AGPS: variants seen among roughly 807,000 people sequenced by gnomAD.
AGPS encodes the protein alkylglycerone phosphate synthase.
In AGPS, 26 loss-of-function variants were observed where a neutral mutation model predicts 90.7. The observed-to-expected ratio is 0.29, with a 90% confidence interval of 0.21 to 0.40. The LOEUF is 0.40. Among genes scored for constraint, AGPS ranks in the 10% least tolerant of loss-of-function variants. The pLI is 1.00. For missense variants in AGPS, 540 were observed against 816.1 expected (o/e 0.66, Z 4.12); for synonymous variants, 294 against 285.3 (o/e 1.03, Z -0.31).
chr2:177,530,633 T>C (rs1041385803), intron 19 of AGPS, among the ~76,000 whole-genome samples: 1 of 152,196 alleles, frequency 6.6e-6, no homozygotes, highest in African/African-American at 2.4e-5. Context: ...ATGCAATTTC[T>C]CTTAGAGGGT....
intron 1 of AGPS, among the ~76,000 whole-genome samples, chr2:177,414,716 T>A (rs901008308): frequency 1.1e-4 from 16 of 152,146 alleles, no homozygotes; most frequent in Non-Finnish European, 1.6e-4. Context: ...GAAAGAATTA[T>A]TTTCTCAGAA....
chr2:177,432,857 G>C (rs2105624650), intron 2 of AGPS, among the ~76,000 whole-genome samples: 1 of 152,304 alleles, frequency 6.6e-6, no homozygotes, highest in South Asian at 2.1e-4. Context: ...AAGGGGAGCT[G>C]GTATGTGCTG....
At chr2:177,444,158 C>T (rs112227607) in intron 7 of AGPS, among the ~76,000 whole-genome samples, 4,801 of 152,172 alleles carry the variant, frequency 0.032, 116 homozygotes, top group Non-Finnish European at 0.048. Flanking sequence ...TGGTGGCTCA[C>T]GCCTGTAATC....
chr2:177,483,346 A>G (rs963599648), intron 11 of AGPS, among the ~76,000 whole-genome samples: 6 of 152,112 alleles, frequency 3.9e-5, no homozygotes, highest in African/African-American at 1.4e-4. Flanking sequence ...TTACTTTCTA[A>G]GACACTCTTT....
At chr2:177,492,959 A>C (rs1202254896) in intron 11 of AGPS, among the ~76,000 whole-genome samples, 189 bp from the exon 12 acceptor site, 11 of 152,114 alleles carry the variant, frequency 7.2e-5, no homozygotes, top group Non-Finnish European at 1.5e-4. Context: ...CTTCTCTCCA[A>C]ATATTTTATA....
chr2:177,531,873 A>G (rs1055587626), intron 19 of AGPS, among the ~76,000 whole-genome samples: 4 of 152,036 alleles, frequency 2.6e-5, no homozygotes, highest in Non-Finnish European at 5.9e-5. Context: ...GAAAGTACAA[A>G]AGCAATCTAG....
At chr2:177,533,853 A>C (rs972512274) in intron 19 of AGPS, among the ~76,000 whole-genome samples, 1 of 152,184 alleles carries the variant, frequency 6.6e-6, no homozygotes, top group Non-Finnish European at 1.5e-5. Flanking sequence ...TCTTCTTAAA[A>C]TCTGACCTAT....
rs527344597 is a variant in AGPS at position 177,474,674 on chromosome 2, A to G, written c.1105+6150A>G. 1.1e-4 allele frequency among the ~76,000 whole-genome samples: 17 copies of G among 152,284 alleles called. No homozygotes were observed. In the South Asian group the frequency reaches 1.2e-3, roughly 11 times the overall value. ...CCTCCTGTATCTACCATAACCATCT[A>G]TGTATATATTTTTTAAAAAACAAAT... On this transcript the variant is annotated intron_variant, in intron 10 of 19. Transcript: ENST00000264167.
At chr2:177,521,156 CTG>C (rs771167905) in intron 17 of AGPS, 111 bp from the exon 18 acceptor site, 2 of 952,690 alleles carry the variant, frequency 2.1e-6, no homozygotes, top group Non-Finnish European at 3.3e-6. Flanking sequence ...TGGGAAGAAA[CTG>C]AGATTATATC....
intron 7 of AGPS, 26 bp downstream of exon 7, chr2:177,442,512 A>G: frequency 1.3e-6 from 2 of 1,542,188 alleles, no homozygotes; most frequent in South Asian, 1.1e-5. Flanking sequence ...AGATATATTT[A>G]AAACATTTTC....
rs2079245472 is a variant in AGPS at position 177,542,442 on chromosome 2, T to C, written c.*4247T>C. On this transcript the variant is annotated 3_prime_UTR_variant, in exon 20 of 20. Transcript: ENST00000264167. ...AATCAGAGTAAGGACCACTGACATA[T>C]AGAACCCTCAAGCCAAAGAACCATC... 6.6e-6 allele frequency: 1 copy of C among 152,156 alleles called. No individual in the cohort carries two copies. The highest frequency in any genetic ancestry group is 6.5e-5 in the Admixed American group (1 of 15,272). The allele number at this position is 152,156 out of a possible 1,614,324, so 9.4% of individuals were successfully genotyped here.
intron 10 of AGPS, among the ~76,000 whole-genome samples, chr2:177,476,912 T>C (rs1001865458): frequency 8.5e-5 from 13 of 152,196 alleles, no homozygotes; most frequent in Non-Finnish European, 1.3e-4. Flanking sequence ...TGTTCTTCTT[T>C]ATAGCTAGTA....
intron 1 of AGPS, among the ~76,000 whole-genome samples, chr2:177,395,489 G>C (rs1685147036): frequency 6.6e-6 from 1 of 152,250 alleles, no homozygotes; most frequent in Non-Finnish European, 1.5e-5. Flanking sequence ...AGGGAACACA[G>C]AAACTTGTAT....
Position 177,424,356 on chromosome 2 carries a change from C to T in AGPS, c.350+3998C>T, listed in dbSNP as rs532943284. Among the ~76,000 whole-genome samples the T allele has an allele frequency of 8.0e-4, 121 of 152,192 alleles. 1 individual carries two copies. The highest frequency in any genetic ancestry group is 2.9e-3 in the African/African-American group (120 of 41,536). On this transcript the variant is annotated intron_variant, in intron 2 of 19. Coordinates refer to ENST00000264167, the MANE Select transcript of AGPS (RefSeq NM_003659.4). ...ATGTACCATATTTTCTTTATCCAGTCAATCATTGATGGACATTTGGGTTGA... is the reference window on the plus strand; with the variant it reads ...ATGTACCATATTTTCTTTATCCAGTTAATCATTGATGGACATTTGGGTTGA...
chr2:177,502,526 T>G (rs529913013), intron 14 of AGPS, among the ~76,000 whole-genome samples: 1 of 151,328 alleles, frequency 6.6e-6, no homozygotes, highest in African/African-American at 2.4e-5. Flanking sequence ...AAAGGATCCT[T>G]CCTCTTCAGC....
intron 2 of AGPS, among the ~76,000 whole-genome samples, chr2:177,427,426 T>C (rs1488234002): frequency 6.6e-6 from 1 of 152,228 alleles, no homozygotes; most frequent in East Asian, 1.9e-4. Context: ...CTAGTTCTTT[T>C]AGTTGTCATG....
intron 1 of AGPS, among the ~76,000 whole-genome samples, chr2:177,418,066 A>G (rs1685837729): frequency 6.6e-6 from 1 of 152,112 alleles, no homozygotes; most frequent in South Asian, 2.1e-4. Flanking sequence ...ATGCATTCCA[A>G]ATGCCTACAT....
intron 19 of AGPS, among the ~76,000 whole-genome samples, chr2:177,527,216 T>C (rs927886799): frequency 1.3e-5 from 2 of 152,044 alleles, no homozygotes; most frequent in African/African-American, 4.8e-5. Context: ...TTGCTTAAGC[T>C]CAGGAGTTCG....
At chr2:177,409,107 G>A (rs1053397266) in intron 1 of AGPS, among the ~76,000 whole-genome samples, 1 of 151,928 alleles carries the variant, frequency 6.6e-6, no homozygotes, top group East Asian at 1.9e-4. Flanking sequence ...TGGGTTTGCC[G>A]GAAGCAAAGA....
Sources: allele counts gnomAD v4.1 joint callset (sites outside exome capture counted in the v4.1 genomes callset), GRCh38; gene constraint gnomAD v4.1.1; transcripts MANE v1.5; gene names NCBI Gene and HGNC (gene_info 2026-07-23, HGNC 2026-07-21).